The following PCDH15 variants were observed in gnomAD, a reference collection of about 807,000 sequenced individuals.
The protein encoded by PCDH15 is protocadherin-15.
A neutral mutation model predicts 178.5 loss-of-function variants in PCDH15; 129 were observed. The ratio of observed to expected loss-of-function variants is 0.72; its 90% confidence interval spans 0.63 to 0.84. The LOEUF (loss-of-function observed/expected upper bound fraction) is 0.84, where lower values mean the gene tolerates loss of function less well. Ranked by LOEUF, PCDH15 falls within the 40% of genes least tolerant of loss-of-function variation. PCDH15 has a pLI of 0.00. For missense variants in PCDH15, 2,230 were observed against 2,099.9 expected (o/e 1.06, Z -1.21); for synonymous variants, 800 against 732.0 (o/e 1.09, Z -1.50).
chr10:54,035,643 C>A (rs777221677), intron 18 of PCDH15, among the ~76,000 whole-genome samples: 16 of 151,930 alleles, frequency 1.1e-4, no homozygotes, highest in Non-Finnish European at 1.9e-4. Flanking sequence ...CCTTCCTATT[C>A]TCTGAGACAC....
At chr10:54,321,785 G>A (rs1248785382) in intron 7 of PCDH15, among the ~76,000 whole-genome samples, 1 of 151,996 alleles carries the variant, frequency 6.6e-6, no homozygotes, top group East Asian at 1.9e-4. Context: ...TGCTTACAAA[G>A]TGTTGAGCTC....
At chr10:54,676,267 G>C (rs2094788457) in intron 1 of PCDH15, among the ~76,000 whole-genome samples, 1 of 151,990 alleles carries the variant, frequency 6.6e-6, no homozygotes, top group Middle Eastern at 3.4e-3. Flanking sequence ...AAAACTTATG[G>C]TTTATATACA....
chr10:55,440,430 TGGA>T (rs1839153332), intron 2 of PCDH15, among the ~76,000 whole-genome samples: 1 of 152,082 alleles, frequency 6.6e-6, no homozygotes, highest in East Asian at 1.9e-4. Flanking sequence ...GGATTTTTAG[TGGA>T]TATATAACTA....
chr10:54,437,311 A>G (rs1333966360), intron 3 of PCDH15, among the ~76,000 whole-genome samples: 2 of 152,200 alleles, frequency 1.3e-5, no homozygotes, highest in African/African-American at 2.4e-5. Flanking sequence ...TTAAACATCA[A>G]GTAGAACATT....
intron 8 of PCDH15, among the ~76,000 whole-genome samples, chr10:54,296,054 A>T (rs1275370538): frequency 6.8e-6 from 1 of 146,082 alleles, no homozygotes; most frequent in Non-Finnish European, 1.5e-5. Flanking sequence ...CTGAGGCAGG[A>T]GAATGGCGTG....
At chr10:54,625,832 G>C (rs555774834) in intron 2 of PCDH15, among the ~76,000 whole-genome samples, 6 of 152,162 alleles carry the variant, frequency 3.9e-5, no homozygotes, top group Non-Finnish European at 8.8e-5. Flanking sequence ...GGCAGAGGTT[G>C]GAACAGTTTA....
chr10:55,177,449 A>C (rs1185440432), intron 1 of PCDH15, among the ~76,000 whole-genome samples: 1 of 152,168 alleles, frequency 6.6e-6, no homozygotes, highest in Non-Finnish European at 1.5e-5. Context: ...CCCAGGTCCA[A>C]GATCCAGTCC....
At chr10:55,624,794 T>G (rs1837487447) in intron 2 of PCDH15, among the ~76,000 whole-genome samples, 1 of 151,988 alleles carries the variant, frequency 6.6e-6, no homozygotes, top group East Asian at 1.9e-4. Flanking sequence ...TTTTCAAAAA[T>G]AGACTCAATA....
intron 23 of PCDH15, 48 bp downstream of exon 23, chr10:53,959,684 A>T: frequency 7.0e-7 from 1 of 1,428,480 alleles, no homozygotes. Context: ...TCCTTTCAAA[A>T]ATGCCCTAAA....
rs572584804 is a variant in PCDH15, at chr10:54,939,778, A to C, written c.-79-42278T>G. Among the ~76,000 whole-genome samples, 4 of 152,296 alleles carry C rather than the reference A, an allele frequency of 2.6e-5. No homozygotes were observed. In the East Asian group the frequency reaches 7.8e-4, roughly 30 times the overall value. ...CTGGTGAAGACTCACTTTATGATTCAGAAACAATGCCTTTTTGTTGTGTCC... is the reference window on the plus strand; with the variant it reads ...CTGGTGAAGACTCACTTTATGATTCCGAAACAATGCCTTTTTGTTGTGTCC... On this transcript the variant is annotated intron_variant, in intron 2 of 5. Coordinates refer to the PCDH15 transcript ENST00000458638.
At chr10:55,275,354 C>T (rs986023862) in intron 1 of PCDH15, among the ~76,000 whole-genome samples, 39 of 151,992 alleles carry the variant, frequency 2.6e-4, no homozygotes, top group African/African-American at 9.2e-4. Flanking sequence ...TTATCAATTG[C>T]TCCAGGTATG....
intron 3 of PCDH15, among the ~76,000 whole-genome samples, chr10:54,487,574 C>G (rs2079201007): frequency 6.6e-6 from 1 of 152,006 alleles, no homozygotes; most frequent in Non-Finnish European, 1.5e-5. Flanking sequence ...TGAGTGGTGT[C>G]TTTCAGTCAA....
intron 2 of PCDH15, among the ~76,000 whole-genome samples, chr10:55,363,044 G>A (rs952370179): frequency 6.6e-6 from 1 of 152,160 alleles, no homozygotes; most frequent in Non-Finnish European, 1.5e-5. Flanking sequence ...AGCTGTCCTG[G>A]ACCACATGCA....
intron 4 of PCDH15, among the ~76,000 whole-genome samples, chr10:54,370,921 T>C (rs1250111649): frequency 6.6e-6 from 1 of 151,854 alleles, no homozygotes; most frequent in African/African-American, 2.4e-5. Flanking sequence ...TGAATGATGC[T>C]ACCTAGAAAG....
intron 2 of PCDH15, chr10:54,655,110 C>G (rs974034240): frequency 5.2e-5 from 8 of 152,388 alleles, no homozygotes; most frequent in African/African-American, 1.9e-4. Flanking sequence ...ACTCGGGAGC[C>G]CGAGGCAGGA....
At chr10:54,153,400 G>A (rs1223008867) in intron 13 of PCDH15, 107 bp from the exon 14 acceptor site, 3 of 1,265,404 alleles carry the variant, frequency 2.4e-6, no homozygotes, top group African/African-American at 1.5e-5. Flanking sequence ...AAAAACACAG[G>A]AAAGTTTCCT....
intron 25 of PCDH15, among the ~76,000 whole-genome samples, chr10:53,928,631 T>G (rs1021828775): frequency 1.3e-5 from 2 of 152,088 alleles, no homozygotes; most frequent in African/African-American, 4.8e-5. Context: ...CTTAATAGAT[T>G]CCAGTTCTTC....
intron 2 of PCDH15, among the ~76,000 whole-genome samples, chr10:55,088,559 C>T (rs755109302): frequency 6.6e-5 from 10 of 151,934 alleles, no homozygotes; most frequent in Non-Finnish European, 1.0e-4. Flanking sequence ...CAGGCATGAG[C>T]CACCCCTCCC....
chr10:55,047,692 A>G (rs1392140361), intron 2 of PCDH15, among the ~76,000 whole-genome samples: 2 of 151,762 alleles, frequency 1.3e-5, no homozygotes, highest in Admixed American at 1.3e-4. Context: ...AGTTGATTGT[A>G]GGTCACATTT....
Sources: allele counts gnomAD v4.1 joint callset (sites outside exome capture counted in the v4.1 genomes callset), GRCh38; gene constraint gnomAD v4.1.1; transcripts MANE v1.5; gene names NCBI Gene and HGNC (gene_info 2026-07-23, HGNC 2026-07-21).